Variants in ALK observed in about 807,000 individuals in gnomAD.
The protein encoded by ALK is ALK tyrosine kinase receptor.
ALK carries 74 observed loss-of-function variants against 163.1 expected under a neutral mutation model. The observed-to-expected ratio is 0.45, with a 90% CI of 0.38 to 0.55. ALK has a LOEUF of 0.55. Ranked by LOEUF, ALK falls within the 20% of genes least tolerant of loss-of-function variation. ALK has a pLI of 0.00. For synonymous variants in ALK, 960 were observed against 843.2 expected, an observed-to-expected ratio of 1.14 and a Z score of -2.40; for missense variants, 2,063 against 2,105.3, an observed-to-expected ratio of 0.98 and a Z score of 0.39.
At chr2:29,275,073 C>T (rs747070815) in intron 11 of ALK, 26 bp downstream of exon 11, 3 of 1,613,886 alleles carry the variant, frequency 1.9e-6, no homozygotes, top group South Asian at 2.2e-5. Flanking sequence ...AGTTACTGTG[C>T]TCACATTTGT....
intron 1 of ALK, among the ~76,000 whole-genome samples, chr2:29,729,996 C>T (rs1485800636): frequency 6.6e-6 from 1 of 152,198 alleles, no homozygotes; most frequent in Non-Finnish European, 1.5e-5. Flanking sequence ...GAGAGTTCCT[C>T]TGCACCCATG....
chr2:29,194,941 C>G (rs1439381255), intron 28 of ALK, among the ~76,000 whole-genome samples: 1 of 152,144 alleles, frequency 6.6e-6, no homozygotes, highest in African/African-American at 2.4e-5. Context: ...ACAGAAGCAG[C>G]TGCCAGAAGT....
chr2:29,443,806 G>A (rs7562448), intron 4 of ALK, among the ~76,000 whole-genome samples: 2 of 152,186 alleles, frequency 1.3e-5, no homozygotes, highest in Admixed American at 6.5e-5. Context: ...GGAGGCTGAC[G>A]TGTAGCCTTA....
intron 11 of ALK, among the ~76,000 whole-genome samples, chr2:29,251,598 G>C (rs556496862): frequency 6.6e-6 from 1 of 152,180 alleles, no homozygotes; most frequent in Non-Finnish European, 1.5e-5. Context: ...CCAACACTGC[G>C]CTAGGGGAGT....
chr2:29,769,162 T>C (rs577994160), intron 1 of ALK, among the ~76,000 whole-genome samples: 2 of 152,284 alleles, frequency 1.3e-5, no homozygotes, highest in Non-Finnish European at 1.5e-5. Flanking sequence ...TCTCTTTATC[T>C]CTCAAATTTC....
intron 15 of ALK, among the ~76,000 whole-genome samples, chr2:29,230,339 G>A (rs1024996350): frequency 2.0e-5 from 3 of 149,066 alleles, no homozygotes; most frequent in African/African-American, 5.0e-5. Flanking sequence ...TGAATCCCAC[G>A]AACGCAGAAC....
chr2:29,512,235 GC>G (rs1180410786), intron 4 of ALK, among the ~76,000 whole-genome samples: 2 of 151,882 alleles, frequency 1.3e-5, no homozygotes, highest in African/African-American at 4.8e-5. Flanking sequence ...GAACATTGAT[GC>G]AAAAATCCTC....
intron 5 of ALK, among the ~76,000 whole-genome samples, chr2:29,332,288 A>AAAG (rs1255135604): frequency 3.0e-4 from 24 of 80,724 alleles, no homozygotes; most frequent in Non-Finnish European, 4.7e-4. Flanking sequence ...TCCATCTCAA[A>AAAG]AAAAAAAAAA....
At chr2:29,764,465 T>C (rs1215413871) in intron 1 of ALK, among the ~76,000 whole-genome samples, 22 of 152,192 alleles carry the variant, frequency 1.4e-4, no homozygotes, top group South Asian at 4.2e-4. Context: ...ATCAGGAAAA[T>C]AGTTCTTCAA....
chr2:29,314,586 C>T (rs537602376), intron 8 of ALK, among the ~76,000 whole-genome samples: 1 of 152,262 alleles, frequency 6.6e-6, no homozygotes, highest in South Asian at 2.1e-4. Context: ...GAACTGACCA[C>T]CACAAATTGG....
At chr2:29,383,642 T>G in intron 5 of ALK, 90 bp downstream of exon 5, 8 of 1,563,788 alleles carry the variant, frequency 5.1e-6, no homozygotes, top group Non-Finnish European at 7.0e-6. Flanking sequence ...TTCATAAGTG[T>G]GCACATTCCC....
chr2:29,264,743 T>C (rs1330595360), intron 11 of ALK, among the ~76,000 whole-genome samples: 2 of 152,110 alleles, frequency 1.3e-5, no homozygotes, highest in African/African-American at 4.8e-5. Context: ...GTACAGTGAG[T>C]GGGTGCTGGG....
chr2:29,576,022 T>C (rs1417944552), intron 3 of ALK, among the ~76,000 whole-genome samples: 2 of 152,148 alleles, frequency 1.3e-5, no homozygotes, highest in Non-Finnish European at 2.9e-5. Context: ...CTCCTGAAGC[T>C]GGAATAAGGA....
intron 1 of ALK, among the ~76,000 whole-genome samples, chr2:29,795,339 G>A (rs1248954744): frequency 6.6e-6 from 1 of 152,164 alleles, no homozygotes; most frequent in Non-Finnish European, 1.5e-5. Context: ...TGTTGCGTGA[G>A]ATAAGCATTC....
At chr2:29,918,661 G>T (rs577993178) in intron 1 of ALK, among the ~76,000 whole-genome samples, 22 of 152,280 alleles carry the variant, frequency 1.4e-4, no homozygotes, top group South Asian at 1.0e-3. Context: ...AATGACTAGG[G>T]AACCTCAGCT....
At chr2:29,508,585 T>C (rs1022193226) in intron 4 of ALK, among the ~76,000 whole-genome samples, 8 of 151,706 alleles carry the variant, frequency 5.3e-5, no homozygotes, top group African/African-American at 1.9e-4. Context: ...TTAGGAGATA[T>C]ACCTAATGTT....
At chr2:29,515,683 A>G (rs555716145) in intron 4 of ALK, among the ~76,000 whole-genome samples, 21 of 111,894 alleles carry the variant, frequency 1.9e-4, no homozygotes, top group Non-Finnish European at 3.0e-4. Flanking sequence ...GTAGCAGACT[A>G]TCAATTATAG....
At chr2:29,573,601 C>G (rs1468088108) in intron 3 of ALK, among the ~76,000 whole-genome samples, 1 of 152,200 alleles carries the variant, frequency 6.6e-6, no homozygotes, top group African/African-American at 2.4e-5. Context: ...GGAACACCGT[C>G]AGGCCCATTC....
chr2:29,471,396 T>C (rs994188320), intron 4 of ALK, among the ~76,000 whole-genome samples: 2 of 152,210 alleles, frequency 1.3e-5, no homozygotes, highest in African/African-American at 4.8e-5. Context: ...AGACAAAGTA[T>C]TAACAGATCG....
Sources: allele counts gnomAD v4.1 joint callset (sites outside exome capture counted in the v4.1 genomes callset), GRCh38; gene constraint gnomAD v4.1.1; transcripts MANE v1.5; gene names NCBI Gene and HGNC (gene_info 2026-07-23, HGNC 2026-07-21).